The following SHANK2 variants were observed in gnomAD, a reference collection of about 807,000 sequenced individuals.
The protein encoded by SHANK2 is SH3 and multiple ankyrin repeat domains protein 2.
Under a neutral mutation model 133.7 loss-of-function variants are expected in SHANK2, and 43 were observed. The ratio of observed to expected loss-of-function variants is 0.32; its 90% confidence interval spans 0.25 to 0.41. The LOEUF is 0.41. SHANK2 is among the 10% of genes least tolerant of loss of function. The pLI is 1.00. For synonymous variants in SHANK2, 1,017 were observed against 952.8 expected, an observed-to-expected ratio of 1.07 and a Z score of -1.24; for missense variants, 1,994 against 2,235.8, an observed-to-expected ratio of 0.89 and a Z score of 2.18.
chr11:70,833,234 A>G (rs1288733922), intron 11 of SHANK2, among the ~76,000 whole-genome samples: 2 of 152,258 alleles, frequency 1.3e-5, no homozygotes, highest in African/African-American at 4.8e-5. Context: ...GCACAGCACC[A>G]GGTATTCCAT....
At chr11:71,222,411 C>A (rs1055375596) in intron 2 of SHANK2, among the ~76,000 whole-genome samples, 1 of 152,262 alleles carries the variant, frequency 6.6e-6, no homozygotes, top group Admixed American at 6.5e-5. Context: ...AACGGCAGCT[C>A]CCGAGTGACA....
At chr11:71,217,024 C>T (rs781894793) in intron 2 of SHANK2, among the ~76,000 whole-genome samples, 2 of 151,656 alleles carry the variant, frequency 1.3e-5, no homozygotes, top group Non-Finnish European at 2.9e-5. Context: ...TGGTGAAACC[C>T]CGTCTCTACC....
Position 70,540,047 on chromosome 11 carries a change from G to A in SHANK2, c.2062-37116C>T, listed in dbSNP as rs368212114. On this transcript the variant is annotated intron_variant, in intron 17 of 25. Transcript: ENST00000601538. Reference sequence around the variant, plus strand: ...GCCCAAACCTCCCTCTTCTTACAAGGAAGTGGGCCAGTAGATCAGGGGCTG... The same window carrying A: ...GCCCAAACCTCCCTCTTCTTACAAGAAAGTGGGCCAGTAGATCAGGGGCTG... Among the ~76,000 whole-genome samples, 5 of 152,268 alleles carry A rather than the reference G, an allele frequency of 3.3e-5. No individual in the cohort carries two copies. The East Asian group carries it at 7.7e-4, about 24-fold the overall frequency.
chr11:71,080,994 G>A (rs934551020), intron 8 of SHANK2, among the ~76,000 whole-genome samples: 4 of 152,282 alleles, frequency 2.6e-5, no homozygotes, highest in African/African-American at 7.2e-5. Flanking sequence ...TTCATGCGTT[G>A]GAGTCCCCAC....
At chr11:70,801,853 T>C (rs146569081) in intron 13 of SHANK2, among the ~76,000 whole-genome samples, 27 of 152,196 alleles carry the variant, frequency 1.8e-4, no homozygotes, top group African/African-American at 5.8e-4. Context: ...TGCTCTTGGG[T>C]GCTCTGGCTA....
chr11:71,158,140 T>C (rs1555109364), intron 2 of SHANK2, among the ~76,000 whole-genome samples: 1 of 152,214 alleles, frequency 6.6e-6, no homozygotes. Context: ...ACCGAATGCA[T>C]TGTTTATGGA....
chr11:70,760,018 G>A (rs1251937680), intron 14 of SHANK2, among the ~76,000 whole-genome samples: 1 of 152,230 alleles, frequency 6.6e-6, no homozygotes, highest in Non-Finnish European at 1.5e-5. Context: ...ATGAGAGACC[G>A]GCTCTGCCGG....
At chr11:70,778,336 G>A (rs1565309890) in intron 14 of SHANK2, among the ~76,000 whole-genome samples, 1 of 152,208 alleles carries the variant, frequency 6.6e-6, no homozygotes, top group East Asian at 1.9e-4. Context: ...ATGGGATTGT[G>A]TGGTAAGAAA....
At chr11:71,251,096 C>A (rs150000231) in intron 1 of SHANK2, among the ~76,000 whole-genome samples, 2,725 of 152,096 alleles carry the variant, frequency 0.018, 48 homozygotes, top group Non-Finnish European at 0.03. Context: ...TTCGCCTGAC[C>A]CCCCCACCAC....
Position 70,486,928 on chromosome 11 carries a change from C to T in SHANK2, c.3365G>A (p.Arg1122Gln), listed in dbSNP as rs782642604. 2.4e-5 allele frequency: 39 copies of T among 1,612,386 alleles called. No homozygotes were observed. Among genetic ancestry groups the T allele is most frequent in the Admixed American group, 1.2e-4 (7 of 60,010 alleles). ...VGLGPPAPRT[R>Q]PSMFPEEGDF... ...CCCCTCCTCGGGGAACATGGAGGGCCGCGTCCTGGGGGCGGGTGGCCCCAG... is the reference window on the plus strand; with the variant it reads ...CCCCTCCTCGGGGAACATGGAGGGCTGCGTCCTGGGGGCGGGTGGCCCCAG... The change falls in exon 25 of 26, where the codon CGG (arginine) becomes CAG (glutamine). Residue 1122 changes from arginine to glutamine, a missense_variant. This residue lies in a region of SHANK2 where 797 missense variants were observed against 907.4 expected (regional missense o/e 0.88). Coordinates refer to ENST00000601538, the MANE Select transcript of SHANK2 (RefSeq NM_012309.5). This position sits in a 1 kb window ranked among gnomAD's most constrained non-coding sequence, Gnocchi z 8.0.
chr11:70,489,332 T>C lies in SHANK2; in HGVS notation c.2568A>G (p.Leu856=). The C allele has an allele frequency of 6.2e-7, 1 of 1,613,852 alleles. No homozygotes were observed. The highest frequency in any genetic ancestry group is 8.5e-7 in the Non-Finnish European group (1 of 1,179,706). Residue 856 remains leucine (L), a synonymous_variant, in exon 24 of 26, where the codon CTA becomes CTG. Coordinates refer to ENST00000601538, the MANE Select transcript of SHANK2 (RefSeq NM_012309.5). ...CAAACCGTAAGGTTCACTAACCTGATAGAAAGATTCTGCTGTCTGACAGGA... is the reference window on the plus strand; with the variant it reads ...CAAACCGTAAGGTTCACTAACCTGACAGAAAGATTCTGCTGTCTGACAGGA... ...RQKSIDSRIF[L]SGITEEERQF...
intron 2 of SHANK2, among the ~76,000 whole-genome samples, chr11:71,153,141 G>T (rs544475488): frequency 6.6e-6 from 1 of 152,106 alleles, no homozygotes; most frequent in Non-Finnish European, 1.5e-5. Flanking sequence ...CCAGCACGCC[G>T]GGAGGCTCCG....
intron 14 of SHANK2, among the ~76,000 whole-genome samples, chr11:70,724,888 G>A (rs952373345): frequency 1.3e-5 from 2 of 152,188 alleles, no homozygotes; most frequent in African/African-American, 4.8e-5. Context: ...TGCAGCTGAT[G>A]CCCATACACC....
At position 71,175,592 on chromosome 11, in the gene SHANK2, G is replaced by C. The variant is rs782522398; in HGVS notation, c.-12-28254C>G. Among the ~76,000 whole-genome samples, 1,541 of 133,660 alleles carry C rather than the reference G, an allele frequency of 0.012. 15 individuals are homozygous for C. Among genetic ancestry groups the C allele is most frequent in the Non-Finnish European group, 0.016 (986 of 60,760 alleles). 87.7% of individuals were successfully genotyped at this position (133,660 alleles called of 152,430 possible). On this transcript the variant is annotated intron_variant, in intron 2 of 25. Coordinates refer to ENST00000601538, the MANE Select transcript of SHANK2 (RefSeq NM_012309.5). The surrounding 1 kb of genome is among the most constrained non-coding windows in gnomAD (Gnocchi z 4.2). ...AGAGAGAGAGAGAGAGAGAGAGAGA[G>C]AGAGAGAGAGACAGAGACAGAGACA...
At chr11:71,109,448 C>T (rs559054569) in intron 6 of SHANK2, among the ~76,000 whole-genome samples, 1 of 152,336 alleles carries the variant, frequency 6.6e-6, no homozygotes, top group East Asian at 1.9e-4. Flanking sequence ...GTGGAACCAC[C>T]AAGGGCCTGG....
rs1187210012 is a variant in SHANK2, at chr11:70,746,348, C to T, written c.1778-47585G>A. ...AGCCCCCATCTCCTCTCCCACCACACTCTCCCGCCTCTCCAGGACAGGGAA... is the reference window on the plus strand; with the variant it reads ...AGCCCCCATCTCCTCTCCCACCACATTCTCCCGCCTCTCCAGGACAGGGAA... On this transcript the variant is annotated intron_variant, in intron 14 of 25. Transcript: ENST00000601538. Among the ~76,000 whole-genome samples, 12 of 149,566 alleles carry T rather than the reference C, an allele frequency of 8.0e-5. No individual in the cohort carries two copies. The South Asian group carries it at 1.7e-3, about 21-fold the overall frequency.
intron 17 of SHANK2, among the ~76,000 whole-genome samples, chr11:70,552,428 C>T (rs2059781601): frequency 6.6e-6 from 1 of 152,232 alleles, no homozygotes; most frequent in Non-Finnish European, 1.5e-5. Flanking sequence ...TCCCATGTCA[C>T]AGCGAGTCAT....
chr11:70,683,845 G>A (rs552116172), intron 15 of SHANK2, among the ~76,000 whole-genome samples: 16 of 151,604 alleles, frequency 1.1e-4, no homozygotes, highest in Admixed American at 7.9e-4. Flanking sequence ...GTGCAGTGGC[G>A]TGATCTTGGC....
chr11:70,523,800 G>GTT (rs2059361248), intron 17 of SHANK2, among the ~76,000 whole-genome samples: 1 of 152,142 alleles, frequency 6.6e-6, no homozygotes, highest in Admixed American at 6.5e-5. Flanking sequence ...TCAGTTCAAA[G>GTT]CAGTGGAAGA....
Sources: gnomAD v4.1 joint callset for allele counts (sites outside exome capture counted in the v4.1 genomes callset) on GRCh38, gnomAD v4.1.1 for gene constraint, gnomAD v4.1.1 regional missense constraint, Gnocchi (gnomAD v3.1) non-coding constraint, MANE v1.5 for transcripts, NCBI Gene and HGNC (gene_info 2026-07-23, HGNC 2026-07-21) for gene names.